HFM1: variants seen among roughly 807,000 people sequenced by gnomAD.
The protein encoded by HFM1 is probable ATP-dependent DNA helicase HFM1.
HFM1 carries 169 observed loss-of-function variants against 192.1 expected under a neutral mutation model. The observed-to-expected ratio is 0.88, with a 90% confidence interval of 0.78 to 1.00. The LOEUF is 1.00. Ranked by LOEUF, HFM1 falls within the 50% of genes least tolerant of loss-of-function variation. HFM1 has a pLI of 0.00. For missense variants in HFM1, 1,661 were observed against 1,668.0 expected (o/e 1.00, Z 0.07); for synonymous variants, 525 against 537.8 (o/e 0.98, Z 0.33).
At chr1:91,394,064 A>G in intron 4 of HFM1, 29 bp downstream of exon 4, 3 of 1,206,246 alleles carry the variant, frequency 2.5e-6, no homozygotes, top group Non-Finnish European at 2.3e-6. Flanking sequence ...TATTCACAGA[A>G]TATTATTTAG....
At chr1:91,316,341 A>T in intron 26 of HFM1, 50 bp downstream of exon 26, 1 of 1,156,154 alleles carries the variant, frequency 8.6e-7, no homozygotes, top group Non-Finnish European at 1.3e-6. Flanking sequence ...ATAGAAATAA[A>T]GGTAGGCCTC....
At chr1:91,377,718 A>G in intron 11 of HFM1, 1 of 334,444 alleles carries the variant, frequency 3.0e-6, no homozygotes. Context: ...AGAGTCAGCT[A>G]GTTACAACAA....
At chr1:91,405,656 C>G (rs1664766541), upstream of HFM1, among the ~76,000 whole-genome samples, 1 of 152,142 alleles carries the variant, frequency 6.6e-6, no homozygotes, top group Non-Finnish European at 1.5e-5. Context: ...TAAGCTCTAA[C>G]TCCTAGATAC....
intron 25 of HFM1, among the ~76,000 whole-genome samples, chr1:91,317,383 T>C (rs888477826): frequency 2.6e-5 from 4 of 152,122 alleles, no homozygotes; most frequent in African/African-American, 9.7e-5. Context: ...CATTGTACTC[T>C]AGCCTGGGCA....
rs540904971 is a variant in HFM1, at chr1:91,382,908, A to T, written c.803-1926T>A. On this transcript the variant is annotated intron_variant, in intron 6 of 38. Transcript: ENST00000370425. ...TGGGGAAATGTCTGCAGAACTGAAAATGACAAGACTACTGTGGTAGGACCA... is the reference window on the plus strand; with the variant it reads ...TGGGGAAATGTCTGCAGAACTGAAATTGACAAGACTACTGTGGTAGGACCA... Among the ~76,000 whole-genome samples the T allele has an allele frequency of 7.2e-5, 11 of 152,318 alleles. 1 individual carries two copies. In the South Asian group the frequency reaches 2.1e-3, roughly 29 times the overall value.
chr1:91,385,837 G>T lies in HFM1; in HGVS notation c.495-3C>A. 6.3e-7 allele frequency: 1 copy of T among 1,578,806 alleles called. No homozygotes were observed. The highest frequency in any genetic ancestry group is 8.6e-7 in the Non-Finnish European group (1 of 1,162,820). ...TATTGTCAGATATTTTAAATAATCT[G>T]CAAACAAAAAAAAGACCCACATATT... On this transcript the variant is annotated splice_region_variant and splice_polypyrimidine_tract_variant and intron_variant, in intron 4 of 38. Transcript: ENST00000370425.
intron 28 of HFM1, among the ~76,000 whole-genome samples, chr1:91,315,053 T>TG (rs1253936913): frequency 4.6e-5 from 7 of 152,250 alleles, no homozygotes; most frequent in Non-Finnish European, 1.0e-4. Context: ...GTCTAGGCTC[T>TG]GGATTGGGTT....
At chr1:91,328,252 C>T in intron 20 of HFM1, 1 of 612,576 alleles carries the variant, frequency 1.6e-6, no homozygotes, top group Non-Finnish European at 2.6e-6. Context: ...GGCTGAGTGT[C>T]AGGCGACCCG....
chr1:91,305,572 T>C (rs1649476515), intron 30 of HFM1, among the ~76,000 whole-genome samples: 1 of 152,070 alleles, frequency 6.6e-6, no homozygotes, highest in South Asian at 2.1e-4. Flanking sequence ...TATTTCTTTT[T>C]TTTTCTTTTT....
At position 91,353,109 on chromosome 1, in the gene HFM1, C is replaced by T. The variant is rs532283800; in HGVS notation, c.1773G>A (p.Glu591=). The T allele has an allele frequency of 3.1e-5, 50 of 1,611,338 alleles. No homozygotes were observed. In the Admixed American group the frequency reaches 3.2e-4, roughly 10 times the overall value. Residue 591 remains glutamate (E), a synonymous_variant, in exon 15 of 39, where the codon GAG becomes GAA. Transcript: ENST00000370425. ...CCTCAACTACTTTTCTATCTGACAGCTCCATACCAGCATGATGATAAGCAG... is the reference window on the plus strand; with the variant it reads ...CCTCAACTACTTTTCTATCTGACAGTTCCATACCAGCATGATGATAAGCAG... The part of the protein sequence containing the change: ...DGAAYHHAGM[E]LSDRKVVEGA...
At chr1:91,398,134 AACAGC>A (rs1236444244) in intron 2 of HFM1, among the ~76,000 whole-genome samples, 2 of 152,206 alleles carry the variant, frequency 1.3e-5, no homozygotes, top group Non-Finnish European at 2.9e-5. Context: ...CCTTTTCAAG[AACAGC>A]AGTTTAGGTC....
At chr1:91,293,641 C>T (rs1339042341) in intron 30 of HFM1, among the ~76,000 whole-genome samples, 17 of 151,238 alleles carry the variant, frequency 1.1e-4, no homozygotes, top group African/African-American at 1.7e-4. Context: ...GTCAGTGTGG[C>T]GATTCCTCAG....
chr1:91,291,299 C>T (rs971095008), intron 30 of HFM1, among the ~76,000 whole-genome samples: 22 of 151,866 alleles, frequency 1.4e-4, no homozygotes, highest in East Asian at 3.9e-4. Context: ...ATTGATAGAC[C>T]GCTAGCAAGA....
chr1:91,329,933 T>C (rs1204525558), intron 20 of HFM1, among the ~76,000 whole-genome samples: 1 of 152,188 alleles, frequency 6.6e-6, no homozygotes, highest in Non-Finnish European at 1.5e-5. Flanking sequence ...TTTTCTGTCT[T>C]GTTCAGCCTT....
At chr1:91,372,402 G>T (rs202066630) in intron 13 of HFM1, among the ~76,000 whole-genome samples, 1 of 152,158 alleles carries the variant, frequency 6.6e-6, no homozygotes, top group African/African-American at 2.4e-5. Flanking sequence ...GGAATACTAT[G>T]CAGCCATAAA....
In HFM1 at chr1:91,301,369, T is replaced by G. The variant is rs1461846401; in HGVS notation, c.3391+11980A>C. On this transcript the variant is annotated intron_variant, in intron 30 of 38. Coordinates refer to ENST00000370425, the MANE Select transcript of HFM1 (RefSeq NM_001017975.6). ...AATGGCCATACTGCCCAAGGTAATT[T>G]ATAGATACAATGCCATCCCCATCAA... is the stretch of plus-strand genomic sequence containing the variant. Among the ~76,000 whole-genome samples, 37 of 137,990 alleles carry G rather than the reference T, an allele frequency of 2.7e-4. No individual in the cohort carries two copies. In the Admixed American group the frequency reaches 2.8e-3, roughly 11 times the overall value. 90.5% of individuals were successfully genotyped at this position (137,990 alleles called of 152,430 possible). A position where few individuals can be genotyped will look rare whatever the true frequency, so the allele number is the denominator to read the frequency against.
intron 30 of HFM1, among the ~76,000 whole-genome samples, chr1:91,306,285 T>C (rs1239799152): frequency 6.6e-6 from 1 of 152,148 alleles, no homozygotes; most frequent in East Asian, 1.9e-4. Flanking sequence ...TGAGCCGAGA[T>C]TGCACCATTG....
intron 20 of HFM1, among the ~76,000 whole-genome samples, chr1:91,325,697 G>T (rs1461409605): frequency 6.6e-6 from 1 of 152,248 alleles, no homozygotes; most frequent in East Asian, 1.9e-4. Context: ...ATACCTAGCT[G>T]CTGAATGCTC....
intron 11 of HFM1, among the ~76,000 whole-genome samples, chr1:91,377,247 T>A (rs1661012811): frequency 6.6e-6 from 1 of 151,860 alleles, no homozygotes; most frequent in South Asian, 2.1e-4. Context: ...TTGAAAAATA[T>A]GAACAAAACA....
Sources: gnomAD v4.1 joint callset for allele counts (sites outside exome capture counted in the v4.1 genomes callset) on GRCh38, gnomAD v4.1.1 for gene constraint, MANE v1.5 for transcripts, NCBI Gene and HGNC (gene_info 2026-07-23, HGNC 2026-07-21) for gene names.